Variants in MCM8 observed in about 807,000 individuals in gnomAD.
MCM8 encodes DNA helicase MCM8.
Under a neutral mutation model 98.9 loss-of-function variants are expected in MCM8, and 85 were observed. The ratio of observed to expected loss-of-function variants is 0.86; its 90% CI spans 0.72 to 1.03. The LOEUF (loss-of-function observed/expected upper bound fraction) is 1.03, where lower values mean the gene tolerates loss of function less well. MCM8 is among the 50% of genes least tolerant of loss of function. The pLI is 0.00. For synonymous variants in MCM8, 352 were observed against 338.6 expected (o/e 1.04, Z -0.44); for missense variants, 951 against 997.8 (o/e 0.95, Z 0.63).
At chr20:5,961,931 C>T (rs978214185) in intron 7 of MCM8, among the ~76,000 whole-genome samples, 1 of 152,154 alleles carries the variant, frequency 6.6e-6, no homozygotes, top group Admixed American at 6.5e-5. Context: ...CACATCACTC[C>T]AAAACTCAGT....
chr20:5,955,358 C>G, intron 5 of MCM8, 107 bp downstream of exon 5: 2 of 1,047,596 alleles, frequency 1.9e-6, no homozygotes, highest in Non-Finnish European at 1.4e-6. Flanking sequence ...ACTGTACTTT[C>G]TATAAGAGAT....
intron 15 of MCM8, among the ~76,000 whole-genome samples, chr20:5,985,269 C>T (rs998933501): frequency 1.3e-5 from 2 of 151,856 alleles, no homozygotes; most frequent in African/African-American, 4.8e-5. Context: ...CATGATGAAA[C>T]CCCATCTCTA....
chr20:5,973,717 T>C (rs1249422541), intron 12 of MCM8, among the ~76,000 whole-genome samples: 1 of 151,504 alleles, frequency 6.6e-6, no homozygotes, highest in African/African-American at 2.4e-5. Context: ...TGCAGTGGCA[T>C]GATCTGGGCT....
rs755221976 is a variant in MCM8 at position 5,993,613 on chromosome 20, TCAA to T, written c.2353_2355del (p.Asn785del). The T allele has an allele frequency of 3.7e-6, 6 of 1,612,502 alleles. No individual in the cohort carries two copies. In the South Asian group the frequency reaches 6.6e-5, roughly 18 times the overall value. On this transcript the variant is annotated inframe_deletion, in exon 18 of 19. Coordinates refer to ENST00000610722, the MANE Select transcript of MCM8 (RefSeq NM_032485.6). ...ACAGCGAAAAGATTTATTTCTGCTCTCAACAACGTTGCTGAAAGAACTTATAAT... is the reference window on the plus strand; with the variant it reads ...ACAGCGAAAAGATTTATTTCTGCTCTCAACGTTGCTGAAAGAACTTATAAT...
chr20:5,988,887 C>T (rs898654450), intron 17 of MCM8, among the ~76,000 whole-genome samples: 3 of 152,080 alleles, frequency 2.0e-5, no homozygotes, highest in Admixed American at 2.0e-4. Context: ...CCAGCTATTC[C>T]CCTTTGGCTG....
Position 5,985,017 on chromosome 20 carries a change from T to C in MCM8, c.1953+17T>C, listed in dbSNP as rs1363006841. The C allele has an allele frequency of 1.3e-6, 2 of 1,597,606 alleles. No individual in the cohort carries two copies. The highest frequency in any genetic ancestry group is 1.7e-6 in the Non-Finnish European group (2 of 1,166,190). On this transcript the variant is annotated intron_variant, in intron 15 of 18. Coordinates refer to ENST00000610722, the MANE Select transcript of MCM8 (RefSeq NM_032485.6). ...AGACTAAAGGTATAAATGTTTCTTC[T>C]CCTTATTCAGTTTGGTTCTGTTTGA...
At chr20:5,992,577 A>T (rs1050737974) in intron 17 of MCM8, among the ~76,000 whole-genome samples, 2 of 152,158 alleles carry the variant, frequency 1.3e-5, no homozygotes, top group African/African-American at 4.8e-5. Flanking sequence ...AACACTTACC[A>T]TCTTACTGTT....
In MCM8 at chr20:5,959,012, C is replaced by G. The variant is rs1167147251; in HGVS notation, c.789+286C>G. ...TGTCTGTTTTTTACCTATACCATTC[C>G]CAGGGATGATCATTATCCTGAAGTT... On this transcript the variant is annotated intron_variant, in intron 7 of 18. Transcript: ENST00000610722. Among the ~76,000 whole-genome samples the G allele has an allele frequency of 2.6e-5, 4 of 152,104 alleles. No individual in the cohort carries two copies. In the East Asian group the frequency reaches 7.7e-4, roughly 29 times the overall value.
chr20:5,978,047 T>G (rs1197440253), intron 13 of MCM8, 30 bp downstream of exon 13: 1 of 1,609,334 alleles, frequency 6.2e-7, no homozygotes, highest in Admixed American at 1.7e-5. Flanking sequence ...AATTAGTGAT[T>G]CTGGGACTTT....
chr20:5,971,513 A>C (rs916675516), intron 10 of MCM8, among the ~76,000 whole-genome samples: 1 of 152,202 alleles, frequency 6.6e-6, no homozygotes, highest in Non-Finnish European at 1.5e-5. Context: ...TCTACAAATC[A>C]CTGCACCTGG....
intron 1 of MCM8, 135 bp from the exon 2 acceptor site, chr20:5,951,876 C>A: frequency 2.1e-6 from 2 of 940,676 alleles, no homozygotes; most frequent in Non-Finnish European, 3.1e-6. Flanking sequence ...TGTATCATAG[C>A]TGTACAACTT....
chr20:5,967,774 T>C, intron 9 of MCM8, 56 bp from the exon 10 acceptor site: 1 of 1,411,850 alleles, frequency 7.1e-7, no homozygotes, highest in Non-Finnish European at 9.6e-7. Flanking sequence ...TCTAGTTGAG[T>C]CATTGTAGGG....
chr20:5,981,267 G>A (rs6053812), intron 13 of MCM8, among the ~76,000 whole-genome samples: 128,241 of 152,220 alleles, frequency 0.84, 54,299 homozygotes, highest in East Asian at 1. Context: ...ATAGGCAGAC[G>A]GAGCAATAGG....
rs569068820 is a variant in MCM8 at position 5,972,068 on chromosome 20, A to G, written c.1254+31A>G. On this transcript the variant is annotated intron_variant, in intron 11 of 18. Coordinates refer to ENST00000610722, the MANE Select transcript of MCM8 (RefSeq NM_032485.6). ...TATTTTACTTCATCTTTACTCAAAAAGTATATAAGGTTAGCAAAAATAACA... is the reference window on the plus strand; with the variant it reads ...TATTTTACTTCATCTTTACTCAAAAGGTATATAAGGTTAGCAAAAATAACA... The G allele has an allele frequency of 6.3e-5, 99 of 1,574,138 alleles. No homozygotes were observed. In the South Asian group the frequency reaches 6.9e-4, roughly 11 times the overall value.
At chr20:5,975,030 G>A (rs1256281612) in intron 12 of MCM8, among the ~76,000 whole-genome samples, 1 of 152,162 alleles carries the variant, frequency 6.6e-6, no homozygotes, top group African/African-American at 2.4e-5. Flanking sequence ...AGGCCAAGTC[G>A]GAAGGATTAC....
chr20:5,994,474 G>GACAC lies in MCM8; in HGVS notation c.*86_*87insCACA, dbSNP rs1361501135. 56 of 527,308 alleles carry GACAC rather than the reference G, an allele frequency of 1.1e-4. No homozygotes were observed. The African/African-American group carries it at 1.2e-3, about 11-fold the overall frequency. 32.7% of individuals were successfully genotyped at this position (527,308 alleles called of 1,614,324 possible). The stretch of plus-strand genomic sequence containing the variant: ...GAAGATATGCGTGCACGCACAGACA[G>GACAC]ACAGACACACACACACACACACACA... On this transcript the variant is annotated 3_prime_UTR_variant, in exon 19 of 19. Coordinates refer to ENST00000610722, the MANE Select transcript of MCM8 (RefSeq NM_032485.6).
intron 3 of MCM8, among the ~76,000 whole-genome samples, chr20:5,953,245 G>T (rs142051955): frequency 6.6e-6 from 1 of 152,138 alleles, no homozygotes; most frequent in East Asian, 1.9e-4. Flanking sequence ...TTATAGCATC[G>T]CAGAGCAGGA....
At chr20:5,978,760 G>A (rs1034574240) in intron 13 of MCM8, among the ~76,000 whole-genome samples, 2 of 152,142 alleles carry the variant, frequency 1.3e-5, no homozygotes, top group Non-Finnish European at 2.9e-5. Flanking sequence ...GTTTTACCAT[G>A]TTGGCCAGGC....
intron 8 of MCM8, among the ~76,000 whole-genome samples, chr20:5,965,795 A>G (rs1453167024): frequency 2.6e-5 from 4 of 151,788 alleles, no homozygotes; most frequent in Non-Finnish European, 5.9e-5. Context: ...TGCCTGTACC[A>G]TTTCACCATA....
Sources: gnomAD v4.1 joint callset for allele counts (sites outside exome capture counted in the v4.1 genomes callset) on GRCh38, gnomAD v4.1.1 for gene constraint, MANE v1.5 for transcripts, NCBI Gene and HGNC (gene_info 2026-07-23, HGNC 2026-07-21) for gene names.